Variants in AACS observed in about 807,000 individuals in gnomAD.
The protein encoded by AACS is acetoacetate-CoA ligase.
Under a neutral mutation model 83.1 loss-of-function variants are expected in AACS, and 69 were observed. The observed-to-expected ratio is 0.83, with a 90% CI of 0.68 to 1.01. The LOEUF (loss-of-function observed/expected upper bound fraction) is 1.01, where lower values mean the gene tolerates loss of function less well. Among genes scored for constraint, AACS ranks in the 50% least tolerant of loss-of-function variants. The pLI is 0.00. For missense variants in AACS, 866 were observed against 882.2 expected, an observed-to-expected ratio of 0.98 and a Z score of 0.23; for synonymous variants, 333 against 343.4, an observed-to-expected ratio of 0.97 and a Z score of 0.33.
chr12:125,082,098 C>T (rs1956203545), intron 3 of AACS, among the ~76,000 whole-genome samples: 1 of 151,636 alleles, frequency 6.6e-6, no homozygotes, highest in Non-Finnish European at 1.5e-5. Flanking sequence ...TTGTCTTGAA[C>T]TCCTGACCTC....
intron 7 of AACS, among the ~76,000 whole-genome samples, chr12:125,104,671 G>T (rs1409750766): frequency 6.6e-6 from 1 of 152,194 alleles, no homozygotes. Flanking sequence ...CAAAGTGGTG[G>T]CTTGGCGAGG....
chr12:125,099,043 C>T (rs975782371), intron 5 of AACS, among the ~76,000 whole-genome samples: 8 of 152,182 alleles, frequency 5.3e-5, no homozygotes, highest in East Asian at 1.9e-4. Flanking sequence ...CGAAATGTGC[C>T]GTCAGGTGTC....
At position 125,136,865 on chromosome 12, in the gene AACS, G is replaced by C. The variant is rs749685588; in HGVS notation, c.1881+1G>C. ...CATCCTGGAAACCAAGGGCATCCCG[G>C]TATGGCCATCTCCCGCCAGCGAGGA... On this transcript the variant is annotated splice_donor_variant, in intron 17 of 17. Transcript: ENST00000316519. LOFTEE classifies it high-confidence loss of function. 2 of 1,612,682 alleles carry C rather than the reference G, an allele frequency of 1.2e-6. No homozygotes were observed. The highest frequency in any genetic ancestry group is 1.7e-6 in the Non-Finnish European group (2 of 1,179,936).
chr12:125,133,904 C>A, intron 14 of AACS, 99 bp from the exon 15 acceptor site: 1 of 1,213,314 alleles, frequency 8.2e-7, no homozygotes, highest in Non-Finnish European at 1.2e-6. Context: ...TGCCTCTGGG[C>A]CCCAGTGATG....
rs147166766 is a variant in AACS at position 125,136,818 on chromosome 12, C to T, written c.1835C>T (p.Ser612Phe). ...RIRDAIRMGL[S>F]ARHVPSLILE... ...CGTGACGCCATCCGCATGGGCTTGT[C>T]TGCGCGACACGTGCCCAGCCTCATC... Residue 612 changes from serine to phenylalanine, a missense_variant, in exon 17 of 18, where the codon TCT (serine) becomes TTT (phenylalanine). By Grantham distance (155) the Ser-to-Phe change is radical (BLOSUM62 -2). Coordinates refer to ENST00000316519, the MANE Select transcript of AACS (RefSeq NM_023928.5). 8.2e-5 allele frequency: 132 copies of T among 1,613,990 alleles called. No homozygotes were observed. In the African/African-American group the frequency reaches 1.5e-3, roughly 18 times the overall value.
rs1956850138 is a variant in AACS, at chr12:125,107,104, T to C, written c.768-17T>C. ...CTGGGACGTTCATGGCGTGTTTCCC[T>C]GCGTTTCGGCCCACAGTGTGTTTCT... On this transcript the variant is annotated splice_polypyrimidine_tract_variant and intron_variant, in intron 7 of 17. Coordinates refer to ENST00000316519, the MANE Select transcript of AACS (RefSeq NM_023928.5). 4 of 1,614,024 alleles carry C rather than the reference T, an allele frequency of 2.5e-6. No homozygotes were observed. Among genetic ancestry groups the C allele is most frequent in the Non-Finnish European group, 2.5e-6 (3 of 1,180,002 alleles).
rs76228614 is a variant in AACS, at chr12:125,069,396, T to A, written c.133+3679T>A. On this transcript the variant is annotated intron_variant, in intron 1 of 17. Coordinates refer to ENST00000316519, the MANE Select transcript of AACS (RefSeq NM_023928.5). ...CAGACCAAGGTTGGCAGGACGTTTC[T>A]ATCCCTGCATTTTGGGAGGCTCTGG... Among the ~76,000 whole-genome samples the A allele has an allele frequency of 9.8e-3, 1,493 of 152,340 alleles. 13 individuals carry two copies. Among genetic ancestry groups the A allele is most frequent in the Middle Eastern group, 0.048 (14 of 294 alleles).
intron 8 of AACS, among the ~76,000 whole-genome samples, chr12:125,108,066 T>G (rs1035614995): frequency 6.6e-6 from 1 of 152,186 alleles, no homozygotes; most frequent in Non-Finnish European, 1.5e-5. Flanking sequence ...GTGCACGTGC[T>G]GGGGGCGTTG....
chr12:125,101,606 C>T (rs976204933), intron 5 of AACS: 1 of 152,066 alleles, frequency 6.6e-6, no homozygotes, highest in Non-Finnish European at 1.5e-5. Flanking sequence ...CTAACAGGCT[C>T]TTTCTGTAAG....
Position 125,130,898 on chromosome 12 carries a change from G to A in AACS, c.1549+1438G>A, listed in dbSNP as rs1957320759. Among the ~76,000 whole-genome samples, 1 of 152,148 alleles carries A rather than the reference G, an allele frequency of 6.6e-6. No homozygotes were observed. Among genetic ancestry groups the A allele is most frequent in the Non-Finnish European group, 1.5e-5 (1 of 68,030 alleles). ...ATATGAATAAATATGGAAAGACAAA[G>A]GCAGATCAGATAATGAGATCTGAAG... On this transcript the variant is annotated intron_variant, in intron 14 of 17. Transcript: ENST00000316519. The surrounding 1 kb of genome is among the most constrained non-coding windows in gnomAD (Gnocchi z 4.9).
At chr12:125,098,135 A>G (rs1185518798) in intron 5 of AACS, among the ~76,000 whole-genome samples, 2 of 152,104 alleles carry the variant, frequency 1.3e-5, no homozygotes, top group Admixed American at 1.3e-4. Context: ...CCCAGATTAA[A>G]TATTCTTTAG....
At chr12:125,102,569 A>G (rs889455351) in intron 5 of AACS, 110 bp from the exon 6 acceptor site, 14 of 891,670 alleles carry the variant, frequency 1.6e-5, no homozygotes, top group Admixed American at 1.6e-4. Flanking sequence ...GGCTCAAGCA[A>G]TCCTCCCACC....
chr12:125,117,374 A>G (rs1012259204), intron 9 of AACS, among the ~76,000 whole-genome samples: 1 of 151,966 alleles, frequency 6.6e-6, no homozygotes, highest in South Asian at 2.1e-4. Flanking sequence ...AGATTGTGCC[A>G]CTGCACTCCA....
rs760463916 is a variant in AACS at position 125,097,972 on chromosome 12, A to G, written c.571-4707A>G. On this transcript the variant is annotated intron_variant, in intron 5 of 17. Coordinates refer to ENST00000316519, the MANE Select transcript of AACS (RefSeq NM_023928.5). The surrounding 1 kb of genome is among the most constrained non-coding windows in gnomAD (Gnocchi z 4.3). ...TGCCATCTCTCACGCGTGCCGTCGT[A>G]GTAGCTTCCGACCAGTCTCATTTCT... Among the ~76,000 whole-genome samples the G allele has an allele frequency of 6.6e-6, 1 of 152,334 alleles. No homozygotes were observed. Among genetic ancestry groups the G allele is most frequent in the South Asian group, 2.1e-4 (1 of 4,826 alleles).
chr12:125,113,417 G>A lies in AACS; in HGVS notation c.916-1060G>A, dbSNP rs554637638. Among the ~76,000 whole-genome samples the A allele has an allele frequency of 5.3e-4, 81 of 152,330 alleles. 1 individual carries two copies. Among genetic ancestry groups the A allele is most frequent in the African/African-American group, 1.6e-3 (68 of 41,580 alleles). ...CCCGTCTGTCCTCAGGATCTTGTAC[G>A]AGATCCGTTGGAAAGACAGGAAAAC... On this transcript the variant is annotated intron_variant, in intron 8 of 17. Coordinates refer to ENST00000316519, the MANE Select transcript of AACS (RefSeq NM_023928.5). The surrounding 1 kb of genome is among the most constrained non-coding windows in gnomAD (Gnocchi z 4.8).
intron 1 of AACS, among the ~76,000 whole-genome samples, chr12:125,069,943 C>T (rs907931870): frequency 2.8e-4 from 43 of 152,176 alleles, no homozygotes; most frequent in African/African-American, 9.7e-4. Context: ...ATGCAGCTGA[C>T]GGCTGTAACT....
chr12:125,093,496 A>T (rs914460769), intron 5 of AACS, among the ~76,000 whole-genome samples: 1 of 152,120 alleles, frequency 6.6e-6, no homozygotes, highest in South Asian at 2.1e-4. Context: ...CTCAGGAGGG[A>T]TGCATGGCTC....
chr12:125,120,347 T>C (rs541257217), intron 10 of AACS: 2 of 152,258 alleles, frequency 1.3e-5, no homozygotes, highest in East Asian at 3.9e-4. Context: ...GAAACAACCA[T>C]GCTCTGTCCT....
intron 2 of AACS, among the ~76,000 whole-genome samples, chr12:125,075,741 A>G (rs1956006671): frequency 6.6e-6 from 1 of 151,608 alleles, no homozygotes; most frequent in African/African-American, 2.4e-5. Context: ...CTACAGGCGC[A>G]CGCTGGCATG....
Sources: gnomAD v4.1 joint callset for allele counts (sites outside exome capture counted in the v4.1 genomes callset) on GRCh38, gnomAD v4.1.1 for gene constraint, Gnocchi (gnomAD v3.1) non-coding constraint, MANE v1.5 for transcripts, NCBI Gene and HGNC (gene_info 2026-07-23, HGNC 2026-07-21) for gene names.